The following TLE4 variants were observed in gnomAD, a reference collection of about 807,000 sequenced individuals.
TLE4 encodes transducin-like enhancer protein 4.
TLE4 carries 8 observed loss-of-function variants against 92.8 expected under a neutral mutation model. The observed-to-expected ratio is 0.09, with a 90% CI of 0.05 to 0.16. The LOEUF is 0.16. Ranked by LOEUF, TLE4 falls within the 10% of genes least tolerant of loss-of-function variation. The pLI is 1.00. For synonymous variants in TLE4, 371 were observed against 374.1 expected, an observed-to-expected ratio of 0.99 and a Z score of 0.10; for missense variants, 675 against 997.6, an observed-to-expected ratio of 0.68 and a Z score of 4.36.
intron 6 of TLE4, among the ~76,000 whole-genome samples, chr9:79,643,119 C>T (rs1163202306): frequency 1.3e-5 from 2 of 152,098 alleles, no homozygotes. Flanking sequence ...TCTTATTTTC[C>T]CAGCCTCTAC....
chr9:79,595,179 AG>A lies in TLE4; in HGVS notation c.253-17474del, dbSNP rs995143514. On this transcript the variant is annotated intron_variant, in intron 4 of 19. Coordinates refer to ENST00000376552, the MANE Select transcript of TLE4 (RefSeq NM_007005.6). ...GAGATTAAGGAATGCTCCATTTCTTAGGGCTGTGTTGGAGAATTTGGTTACC... is the reference window on the plus strand; with the variant it reads ...GAGATTAAGGAATGCTCCATTTCTTAGGCTGTGTTGGAGAATTTGGTTACC... 8.5e-5 allele frequency among the ~76,000 whole-genome samples: 13 copies of A among 152,200 alleles called. 1 individual carries two copies. The highest frequency in any genetic ancestry group is 1.3e-4 in the Admixed American group (2 of 15,282).
chr9:79,606,888 A>C (rs993564244), intron 4 of TLE4, among the ~76,000 whole-genome samples: 5 of 152,146 alleles, frequency 3.3e-5, no homozygotes, highest in African/African-American at 9.7e-5. Context: ...TTGGGTATAT[A>C]CCCAGTAATG....
chr9:79,644,379 G>T (rs2057739258), intron 6 of TLE4, among the ~76,000 whole-genome samples: 1 of 152,170 alleles, frequency 6.6e-6, no homozygotes, highest in Admixed American at 6.5e-5. Flanking sequence ...TATATTAGCA[G>T]CATGAGAACG....
At chr9:79,694,213 A>T (rs760446977) in intron 8 of TLE4, among the ~76,000 whole-genome samples, 1 of 152,162 alleles carries the variant, frequency 6.6e-6, no homozygotes, top group South Asian at 2.1e-4. Flanking sequence ...ATAGACCAGG[A>T]CTCACAATTG....
At position 79,705,895 on chromosome 9, in the gene TLE4, G is replaced by A; in HGVS notation, c.736G>A (p.Asp246Asn). Reference sequence around the variant, plus strand: ...TTCTCACTTGTCAATGCAGGACAGCGATGGTGAGAAAAGTGATGACAACTT... The same window carrying A: ...TTCTCACTTGTCAATGCAGGACAGCAATGGTGAGAAAAGTGATGACAACTT... ...EKEIAARYDS[D>N]GEKSDDNLVV... The change falls in exon 10 of 20, where the codon GAT becomes AAT. Residue 246 changes from aspartate to asparagine, a missense_variant. Asp to Asn is a conservative substitution (Grantham distance 23). Around this residue, in one of 5 missense-constraint regions of TLE4, gnomAD observed 280 missense variants for 287.3 expected, o/e 0.97. Transcript: ENST00000376552. 3 of 1,614,200 alleles carry A rather than the reference G, an allele frequency of 1.9e-6. No individual in the cohort carries two copies. Among genetic ancestry groups the A allele is most frequent in the Non-Finnish European group, 2.5e-6 (3 of 1,180,028 alleles).
chr9:79,679,648 C>A (rs1429488748), intron 8 of TLE4, among the ~76,000 whole-genome samples: 1 of 152,132 alleles, frequency 6.6e-6, no homozygotes, highest in Non-Finnish European at 1.5e-5. Flanking sequence ...ATTTTGGCTT[C>A]TCTTGCCATT....
intron 6 of TLE4, among the ~76,000 whole-genome samples, chr9:79,631,897 C>T (rs955044907): frequency 5.9e-5 from 9 of 151,994 alleles, no homozygotes; most frequent in Admixed American, 5.9e-4. Context: ...TGTTTCCCTC[C>T]CTTACATTGC....
intron 8 of TLE4, chr9:79,671,358 A>C: frequency 2.3e-6 from 1 of 435,120 alleles, no homozygotes. Context: ...GCTAATAACT[A>C]CCCTGACGAG....
intron 5 of TLE4, among the ~76,000 whole-genome samples, chr9:79,618,953 T>G (rs1157634277): frequency 2.0e-5 from 3 of 152,182 alleles, no homozygotes; most frequent in Non-Finnish European, 4.4e-5. Flanking sequence ...AAACCTTCCA[T>G]TTTTATACTT....
At chr9:79,608,278 C>T (rs2047562600) in intron 4 of TLE4, among the ~76,000 whole-genome samples, 1 of 151,906 alleles carries the variant, frequency 6.6e-6, no homozygotes, top group Non-Finnish European at 1.5e-5. Context: ...CTCATTAGTC[C>T]TCTGACTTTT....
intron 4 of TLE4, among the ~76,000 whole-genome samples, chr9:79,592,104 C>CTTCTTCT (rs775181411): frequency 5.4e-4 from 82 of 151,242 alleles, no homozygotes; most frequent in African/African-American, 7.3e-4. Flanking sequence ...TCTTCTTCTT[C>CTTCTTCT]TTCTTCTTTC....
At chr9:79,656,370 T>C (rs2059781400) in intron 8 of TLE4, among the ~76,000 whole-genome samples, 1 of 152,218 alleles carries the variant, frequency 6.6e-6, no homozygotes, top group South Asian at 2.1e-4. Context: ...TTATGCAAGA[T>C]AATGCTCCTT....
At chr9:79,708,874 C>A in intron 13 of TLE4, 88 bp downstream of exon 13, 1 of 1,432,818 alleles carries the variant, frequency 7.0e-7, no homozygotes, top group Non-Finnish European at 9.3e-7. Flanking sequence ...CTCTGTCACC[C>A]AGCCTGGAGT....
intron 8 of TLE4, among the ~76,000 whole-genome samples, chr9:79,695,966 G>A (rs2068158374): frequency 6.6e-6 from 1 of 152,168 alleles, no homozygotes; most frequent in Admixed American, 6.5e-5. Context: ...TATATCAAGT[G>A]TGAGATGTTT....
intron 6 of TLE4, among the ~76,000 whole-genome samples, chr9:79,637,037 G>A (rs912987902): frequency 1.3e-4 from 14 of 107,100 alleles, no homozygotes; most frequent in Non-Finnish European, 1.5e-4. Flanking sequence ...CTTATAGTAT[G>A]ATATTAGGAA....
rs1323849311 is a variant in TLE4, at chr9:79,687,723, A to G, written c.610-17060A>G. ...GGCTGGTTTCTTTTCACAATACACA[A>G]GTGTAATTTGCTGAGCCTCCTATAA... On this transcript the variant is annotated intron_variant, in intron 8 of 19. Transcript: ENST00000376552. Among the ~76,000 whole-genome samples, 3 of 152,050 alleles carry G rather than the reference A, an allele frequency of 2.0e-5. No homozygotes were observed. The East Asian group carries it at 5.8e-4, about 29-fold the overall frequency.
intron 7 of TLE4, 92 bp downstream of exon 7, chr9:79,652,886 G>A: frequency 7.5e-7 from 1 of 1,334,224 alleles, no homozygotes; most frequent in Non-Finnish European, 1.1e-6. Context: ...TCTGAATTTA[G>A]TTTTACCAGT....
rs202075194 is a variant in TLE4, at chr9:79,576,120, C to T, written c.208-13C>T. 154 of 1,459,758 alleles carry T rather than the reference C, an allele frequency of 1.1e-4. No homozygotes were observed. Among genetic ancestry groups the T allele is most frequent in the African/African-American group, 1.8e-4 (13 of 70,386 alleles). 90.4% of individuals were successfully genotyped at this position (1,459,758 alleles called of 1,614,324 possible). ...GAAAGTCATGCATTTAATTGCTTTT[C>T]CTTCTTTGACAGTATTATGAAATGT... On this transcript the variant is annotated splice_polypyrimidine_tract_variant and intron_variant, in intron 3 of 19. Coordinates refer to ENST00000376552, the MANE Select transcript of TLE4 (RefSeq NM_007005.6).
At chr9:79,705,497 G>T (rs1029302953) in intron 9 of TLE4, among the ~76,000 whole-genome samples, 2 of 152,194 alleles carry the variant, frequency 1.3e-5, no homozygotes, top group Non-Finnish European at 2.9e-5. Flanking sequence ...CTGGAAATCT[G>T]GATTTTTACC....
Sources: allele counts gnomAD v4.1 joint callset (sites outside exome capture counted in the v4.1 genomes callset), GRCh38; gene constraint gnomAD v4.1.1; regional missense constraint gnomAD v4.1.1; transcripts MANE v1.5; gene names NCBI Gene and HGNC (gene_info 2026-07-23, HGNC 2026-07-21).